The following CNTN5 variants were observed in gnomAD, a reference collection of about 807,000 sequenced individuals.
CNTN5 encodes the protein contactin-5.
CNTN5 carries 77 observed loss-of-function variants against 129.1 expected under a neutral mutation model. The ratio of observed to expected loss-of-function variants is 0.60; its 90% CI spans 0.50 to 0.72. The LOEUF (loss-of-function observed/expected upper bound fraction) is 0.72, where lower values mean the gene tolerates loss of function less well. CNTN5 is among the 30% of genes least tolerant of loss of function. The probability of loss-of-function intolerance (pLI) is 0.00; values close to 1 mark genes in which losing one functional copy is unlikely to be tolerated. For synonymous variants in CNTN5, 509 were observed against 465.6 expected, an observed-to-expected ratio of 1.09 and a Z score of -1.20; for missense variants, 1,478 against 1,328.8, an observed-to-expected ratio of 1.11 and a Z score of -1.75.
rs73562059 is a variant in CNTN5 at position 99,702,274 on chromosome 11, G to T, written c.56-117270G>T. Among the ~76,000 whole-genome samples the T allele has an allele frequency of 2.6e-3, 392 of 150,972 alleles. 4 individuals carry two copies. Among genetic ancestry groups the T allele is most frequent in the African/African-American group, 9.1e-3 (376 of 41,404 alleles). On this transcript the variant is annotated intron_variant, in intron 3 of 24. Coordinates refer to ENST00000524871, the MANE Select transcript of CNTN5 (RefSeq NM_014361.4). ...GGTACATATTTCATATGGGTAGCAAGGGGCTAATAATAATGAAAAATTTGG... is the reference window on the plus strand; with the variant it reads ...GGTACATATTTCATATGGGTAGCAATGGGCTAATAATAATGAAAAATTTGG...
At chr11:99,075,624 CCT>C (rs1355948154) in intron 1 of CNTN5, among the ~76,000 whole-genome samples, 4 of 152,276 alleles carry the variant, frequency 2.6e-5, no homozygotes, top group Middle Eastern at 3.4e-3. Context: ...TTTTCTCTCT[CCT>C]ATAAATATTA....
chr11:99,094,317 A>T (rs1331841692), intron 1 of CNTN5, among the ~76,000 whole-genome samples: 1 of 152,050 alleles, frequency 6.6e-6, no homozygotes, highest in Non-Finnish European at 1.5e-5. Context: ...TGTCTAAAAC[A>T]TTGATTCAGT....
chr11:99,762,584 G>T lies in CNTN5; in HGVS notation c.56-56960G>T, dbSNP rs560146414. On this transcript the variant is annotated intron_variant, in intron 3 of 24. Coordinates refer to ENST00000524871, the MANE Select transcript of CNTN5 (RefSeq NM_014361.4). ...AAAGATCAGATAGTTGTAGATATGC[G>T]GCGTTATTTCTGAGGGCTCTGTTCT... 3.3e-5 allele frequency among the ~76,000 whole-genome samples: 5 copies of T among 151,796 alleles called. No homozygotes were observed. In the South Asian group the frequency reaches 1.0e-3, roughly 32 times the overall value.
chr11:100,121,867 A>T (rs79207608), intron 13 of CNTN5, among the ~76,000 whole-genome samples: 2,907 of 152,136 alleles, frequency 0.019, 94 homozygotes, highest in African/African-American at 0.065. Flanking sequence ...TAAAAGTATT[A>T]AAAATGATAG....
At chr11:100,115,001 C>T (rs566625884) in intron 13 of CNTN5, among the ~76,000 whole-genome samples, 1 of 151,100 alleles carries the variant, frequency 6.6e-6, no homozygotes, top group Non-Finnish European at 1.5e-5. Flanking sequence ...TATTGGATTG[C>T]GCTGACACCA....
chr11:99,987,118 A>T (rs763654523), intron 8 of CNTN5, among the ~76,000 whole-genome samples: 2 of 152,162 alleles, frequency 1.3e-5, no homozygotes, highest in Non-Finnish European at 2.9e-5. Context: ...AAAATGAAAT[A>T]TTCCCTAGCT....
chr11:100,007,686 A>G (rs1163669809), intron 9 of CNTN5, among the ~76,000 whole-genome samples: 2 of 151,986 alleles, frequency 1.3e-5, no homozygotes, highest in Non-Finnish European at 2.9e-5. Context: ...GGTTTGATCT[A>G]CCCAGACCAT....
chr11:99,596,557 A>G (rs1950132489), intron 3 of CNTN5, among the ~76,000 whole-genome samples: 1 of 152,228 alleles, frequency 6.6e-6, no homozygotes, highest in African/African-American at 2.4e-5. Context: ...AGTCTGAAGC[A>G]AATTATCTTA....
chr11:99,822,439 G>C (rs1946830934), intron 4 of CNTN5, among the ~76,000 whole-genome samples: 1 of 152,140 alleles, frequency 6.6e-6, no homozygotes, highest in Non-Finnish European at 1.5e-5. Context: ...AAAATGGATA[G>C]ACCTCAAAAT....
intron 8 of CNTN5, among the ~76,000 whole-genome samples, chr11:99,969,557 C>G (rs1951192667): frequency 6.6e-6 from 1 of 152,102 alleles, no homozygotes; most frequent in Non-Finnish European, 1.5e-5. Flanking sequence ...GGGGCCTCAC[C>G]ATACAACTCA....
At chr11:99,650,522 A>G (rs1952115588) in intron 3 of CNTN5, among the ~76,000 whole-genome samples, 1 of 151,924 alleles carries the variant, frequency 6.6e-6, no homozygotes, top group South Asian at 2.1e-4. Flanking sequence ...ATTTTTTTTA[A>G]AACATAGATG....
chr11:99,937,465 C>T (rs1397850018), intron 7 of CNTN5, among the ~76,000 whole-genome samples: 2 of 152,174 alleles, frequency 1.3e-5, no homozygotes, highest in Non-Finnish European at 2.9e-5. Context: ...AACTGGCTGA[C>T]CTCGCTCAAT....
intron 9 of CNTN5, among the ~76,000 whole-genome samples, chr11:100,025,838 T>A (rs914564286): frequency 1.8e-4 from 28 of 152,294 alleles, no homozygotes; most frequent in African/African-American, 6.0e-4. Flanking sequence ...CCCATTATAT[T>A]TAGGAAGTAA....
intron 13 of CNTN5, among the ~76,000 whole-genome samples, chr11:100,177,851 G>C (rs531478580): frequency 6.6e-6 from 1 of 151,996 alleles, no homozygotes; most frequent in East Asian, 1.9e-4. Context: ...CCCAGATGAC[G>C]TCATATACTT....
At chr11:99,719,029 A>G (rs948266156) in intron 3 of CNTN5, among the ~76,000 whole-genome samples, 2 of 152,162 alleles carry the variant, frequency 1.3e-5, no homozygotes, top group African/African-American at 4.8e-5. Context: ...TATTAAGACC[A>G]TAACAGAGAG....
chr11:99,578,996 T>C (rs2135601627), intron 3 of CNTN5, among the ~76,000 whole-genome samples: 1 of 152,062 alleles, frequency 6.6e-6, no homozygotes, highest in African/African-American at 2.4e-5. Context: ...CCATCTTGAG[T>C]TAATTTTTGT....
intron 2 of CNTN5, among the ~76,000 whole-genome samples, chr11:99,414,906 T>C (rs1416313002): frequency 6.6e-6 from 1 of 152,200 alleles, no homozygotes; most frequent in Non-Finnish European, 1.5e-5. Context: ...ATTTTGAGGA[T>C]AGAATTTTCT....
At chr11:100,076,293 T>A (rs1944123806) in intron 13 of CNTN5, among the ~76,000 whole-genome samples, 8 of 152,174 alleles carry the variant, frequency 5.3e-5, no homozygotes, top group Admixed American at 5.2e-4. Flanking sequence ...GTTTTATGTT[T>A]CTGGGTGGCA....
At chr11:99,839,768 T>C (rs1225061682) in intron 4 of CNTN5, among the ~76,000 whole-genome samples, 1 of 152,026 alleles carries the variant, frequency 6.6e-6, no homozygotes, top group Non-Finnish European at 1.5e-5. Context: ...TTAGTAGTAG[T>C]AATATATTTG....
Sources: allele counts gnomAD v4.1 joint callset (sites outside exome capture counted in the v4.1 genomes callset), GRCh38; gene constraint gnomAD v4.1.1; transcripts MANE v1.5; gene names NCBI Gene and HGNC (gene_info 2026-07-23, HGNC 2026-07-21).